The following CDH13 variants were observed in gnomAD, a reference collection of about 807,000 sequenced individuals.
CDH13 encodes the protein cadherin 13.
Under a neutral mutation model 63.8 loss-of-function variants are expected in CDH13, and 24 were observed. The observed-to-expected ratio is 0.38, with a 90% CI of 0.27 to 0.53. The LOEUF is 0.53. Ranked by LOEUF, CDH13 falls within the 20% of genes least tolerant of loss-of-function variation. The probability of loss-of-function intolerance (pLI) is 0.85; values close to 1 mark genes in which losing one functional copy is unlikely to be tolerated. For missense variants in CDH13, 1,049 were observed against 903.1 expected (o/e 1.16, Z -2.07); for synonymous variants, 503 against 355.3 (o/e 1.42, Z -4.67).
chr16:82,651,959 G>C (rs1910769525), intron 1 of CDH13, among the ~76,000 whole-genome samples: 1 of 152,246 alleles, frequency 6.6e-6, no homozygotes, highest in African/African-American at 2.4e-5. Flanking sequence ...GGAAGGGCCA[G>C]CGCCATCCAA....
At chr16:83,206,953 C>A in intron 4 of CDH13, among the ~76,000 whole-genome samples, 1 of 152,266 alleles carries the variant, frequency 6.6e-6, no homozygotes, top group Admixed American at 6.5e-5. Context: ...TGGATAAAAT[C>A]ACCTGTACTC....
At chr16:83,223,421 C>A (rs933858645) in intron 5 of CDH13, among the ~76,000 whole-genome samples, 14 of 152,290 alleles carry the variant, frequency 9.2e-5, no homozygotes, top group Admixed American at 5.2e-4. Context: ...CTAAAGGGCC[C>A]CACCTCCCAG....
At chr16:83,723,978 A>G (rs573687133) in intron 10 of CDH13, among the ~76,000 whole-genome samples, 2 of 152,334 alleles carry the variant, frequency 1.3e-5, no homozygotes, top group South Asian at 4.2e-4. Flanking sequence ...TGATGAATGC[A>G]TGGATGAATG....
chr16:83,757,028 A>G lies in CDH13; in HGVS notation c.1681+8778A>G, dbSNP rs149172299. On this transcript the variant is annotated intron_variant, in intron 11 of 13. Coordinates refer to ENST00000567109, the MANE Select transcript of CDH13 (RefSeq NM_001257.5). ...CCTAAATTGTTTGCATGCAGAGCAT[A>G]TAGAAAAGTCTAACAAACGTTTTTA... 4.4e-3 allele frequency among the ~76,000 whole-genome samples: 667 copies of G among 152,366 alleles called. 6 individuals are homozygous for G. The highest frequency in any genetic ancestry group is 0.015 in the African/African-American group (640 of 41,586).
intron 1 of CDH13, among the ~76,000 whole-genome samples, chr16:82,796,255 C>T (rs557756651): frequency 6.6e-6 from 1 of 152,154 alleles, no homozygotes; most frequent in Non-Finnish European, 1.5e-5. Context: ...TCTCTACTGA[C>T]CCCTATGGAT....
chr16:83,364,220 C>T (rs1199133898), intron 6 of CDH13, among the ~76,000 whole-genome samples: 2 of 152,076 alleles, frequency 1.3e-5, no homozygotes, highest in Non-Finnish European at 2.9e-5. Context: ...CATAATAAGT[C>T]CACATACAAA....
chr16:83,066,358 G>A (rs1273068998), intron 3 of CDH13, among the ~76,000 whole-genome samples: 3 of 152,128 alleles, frequency 2.0e-5, no homozygotes, highest in Non-Finnish European at 4.4e-5. Context: ...AGACATGCAG[G>A]CTTCCCAAGA....
intron 5 of CDH13, among the ~76,000 whole-genome samples, chr16:83,243,802 G>A (rs910125171): frequency 2.0e-5 from 3 of 152,192 alleles, no homozygotes; most frequent in Non-Finnish European, 1.5e-5. Flanking sequence ...GTTAGTAAAT[G>A]AGATCTTAGC....
chr16:82,825,583 C>G (rs2038207174), intron 1 of CDH13: 3 of 150,930 alleles, frequency 2.0e-5, no homozygotes, highest in Admixed American at 2.0e-4. Flanking sequence ...CCTCTGTTGC[C>G]CCGGCTGGAG....
intron 2 of CDH13, among the ~76,000 whole-genome samples, chr16:82,865,194 G>A (rs8052008): frequency 0.73 from 111,553 of 152,078 alleles, 41,221 homozygotes; most frequent in East Asian, 0.88. Context: ...TTTCCGGGAG[G>A]ACAGTGCAAG....
At chr16:83,123,857 C>A (rs1354679968) in intron 3 of CDH13, among the ~76,000 whole-genome samples, 3 of 152,146 alleles carry the variant, frequency 2.0e-5, no homozygotes, top group African/African-American at 7.2e-5. Context: ...TCTTCAGCCT[C>A]ACCAATATTT....
chr16:83,392,884 A>T (rs1286955537), intron 6 of CDH13, among the ~76,000 whole-genome samples: 3 of 152,026 alleles, frequency 2.0e-5, no homozygotes, highest in Non-Finnish European at 4.4e-5. Flanking sequence ...CCCCTGAAGA[A>T]TGTTGGGAAT....
intron 3 of CDH13, among the ~76,000 whole-genome samples, chr16:83,033,700 G>A (rs190485996): frequency 6.6e-6 from 1 of 152,088 alleles, no homozygotes; most frequent in Non-Finnish European, 1.5e-5. Context: ...TGCCATTCAG[G>A]CTTCCCGATT....
intron 2 of CDH13, chr16:83,022,959 TC>T (rs768631068): frequency 5.9e-5 from 9 of 152,246 alleles, no homozygotes; most frequent in Non-Finnish European, 1.3e-4. Context: ...CATCTGCATT[TC>T]ATTTTTTCTG....
chr16:83,053,847 A>T (rs1428866840), intron 3 of CDH13, among the ~76,000 whole-genome samples: 1 of 152,068 alleles, frequency 6.6e-6, no homozygotes, highest in Non-Finnish European at 1.5e-5. Flanking sequence ...ACATTTCGAG[A>T]CCCCGACCGG....
At chr16:83,676,579 T>C (rs951682745) in intron 9 of CDH13, among the ~76,000 whole-genome samples, 1 of 152,214 alleles carries the variant, frequency 6.6e-6, no homozygotes, top group African/African-American at 2.4e-5. Context: ...AAGGATAGAA[T>C]GGTGAATTAC....
chr16:83,684,424 C>T (rs1419023738), intron 10 of CDH13, among the ~76,000 whole-genome samples: 2 of 152,088 alleles, frequency 1.3e-5, no homozygotes, highest in Non-Finnish European at 2.9e-5. Flanking sequence ...GAAGTAACTA[C>T]ATTTGCTAAA....
intron 1 of CDH13, among the ~76,000 whole-genome samples, chr16:82,753,601 C>G (rs1023038126): frequency 6.6e-6 from 1 of 152,168 alleles, no homozygotes; most frequent in Non-Finnish European, 1.5e-5. Flanking sequence ...TTCTTTATAG[C>G]CAAATGGAAG....
intron 3 of CDH13, among the ~76,000 whole-genome samples, chr16:83,093,943 G>A (rs1429605845): frequency 1.3e-5 from 2 of 152,210 alleles, no homozygotes; most frequent in Admixed American, 6.5e-5. Context: ...AAGCAAGCGA[G>A]TAATAGCCTG....
Sources: allele counts gnomAD v4.1 joint callset (sites outside exome capture counted in the v4.1 genomes callset), GRCh38; gene constraint gnomAD v4.1.1; transcripts MANE v1.5; gene names NCBI Gene and HGNC (gene_info 2026-07-23, HGNC 2026-07-21).